RGL1: variants seen among roughly 807,000 people sequenced by gnomAD.
RGL1 encodes the protein ral guanine nucleotide dissociation stimulator-like 1.
In RGL1, 24 loss-of-function variants were observed where a neutral mutation model predicts 95.2. The ratio of observed to expected loss-of-function variants is 0.25; its 90% CI spans 0.18 to 0.35. The LOEUF is 0.35. Among genes scored for constraint, RGL1 ranks in the 10% least tolerant of loss-of-function variants. The pLI, the probability that RGL1 is intolerant of heterozygous loss-of-function variation, is 1.00. For missense variants in RGL1, 715 were observed against 936.3 expected, an observed-to-expected ratio of 0.76 and a Z score of 3.08; for synonymous variants, 329 against 344.9, an observed-to-expected ratio of 0.95 and a Z score of 0.51.
intron 1 of RGL1, among the ~76,000 whole-genome samples, chr1:183,666,475 GTTTAATTTCCAAGTATTTTGGAATT>G (rs1652046542): frequency 6.6e-6 from 1 of 152,044 alleles, no homozygotes; most frequent in Non-Finnish European, 1.5e-5. Flanking sequence ...GAACTTCGTT[GTTTAATTTCCAAGTATTTTGGAATT>G]TTCCAGCTAT....
chr1:183,915,997 A>G (rs1668940263), intron 15 of RGL1, among the ~76,000 whole-genome samples: 1 of 152,174 alleles, frequency 6.6e-6, no homozygotes, highest in Admixed American at 6.5e-5. Flanking sequence ...AATCTGGGGT[A>G]CTTCTCTTAG....
At chr1:183,638,976 A>G (rs1649730171) in intron 1 of RGL1, among the ~76,000 whole-genome samples, 1 of 152,224 alleles carries the variant, frequency 6.6e-6, no homozygotes, top group East Asian at 1.9e-4. Context: ...TAAATACTTA[A>G]ACAACAAAGA....
Position 183,904,972 on chromosome 1 carries a change from G to T in RGL1, c.1472+1G>T. On this transcript the variant is annotated splice_donor_variant, in intron 13 of 17. Transcript: ENST00000360851. LOFTEE classifies it high-confidence loss of function. ...AGCAGCTCCTGACAGAGGAGGAGAG[G>T]TGGGATCACCTGTCGTTCATCGGGG... is the stretch of plus-strand genomic sequence containing the variant. 1 of 1,610,828 alleles carries T rather than the reference G, an allele frequency of 6.2e-7. No individual in the cohort carries two copies.
intron 8 of RGL1, among the ~76,000 whole-genome samples, chr1:183,889,720 G>T (rs905605566): frequency 6.6e-6 from 1 of 151,972 alleles, no homozygotes; most frequent in African/African-American, 2.4e-5. Context: ...TCTTTGATGG[G>T]TAAAAAGAAA....
Position 183,886,376 on chromosome 1 carries a change from GT to G in RGL1, c.951+1445del, listed in dbSNP as rs1572554217. On this transcript the variant is annotated intron_variant, in intron 7 of 17. Coordinates refer to ENST00000360851, the MANE Select transcript of RGL1 (RefSeq NM_001297671.3). ...GTGAGATATAGTGTAGAAGTTCTCT[GT>G]TTTTTTAGAATGATAAGGAATTATT... is the stretch of plus-strand genomic sequence containing the variant. Among the ~76,000 whole-genome samples, 7 of 152,060 alleles carry G rather than the reference GT, an allele frequency of 4.6e-5. No individual in the cohort carries two copies. In the South Asian group the frequency reaches 1.5e-3, roughly 32 times the overall value.
intron 2 of RGL1, among the ~76,000 whole-genome samples, chr1:183,846,946 C>G (rs956129512): frequency 1.3e-5 from 2 of 152,056 alleles, no homozygotes; most frequent in Non-Finnish European, 2.9e-5. Context: ...TAAACCTGAT[C>G]CTGGTATCAT....
intron 14 of RGL1, among the ~76,000 whole-genome samples, chr1:183,908,912 T>C (rs1558288205): frequency 1.3e-5 from 2 of 152,192 alleles, no homozygotes; most frequent in African/African-American, 4.8e-5. Flanking sequence ...AAGCCCGGGA[T>C]CTATATGTTT....
upstream of RGL1, among the ~76,000 whole-genome samples, chr1:183,803,807 A>G (rs1034359031): frequency 6.6e-6 from 1 of 152,210 alleles, no homozygotes; most frequent in Non-Finnish European, 1.5e-5. Flanking sequence ...CTTAACAAGC[A>G]GGGAGGTAGG....
intron 2 of RGL1, among the ~76,000 whole-genome samples, chr1:183,746,653 T>TA (rs1025265431): frequency 2.8e-5 from 4 of 142,858 alleles, no homozygotes; most frequent in South Asian, 4.2e-4. Flanking sequence ...TTCTTATATA[T>TA]TTTTTTAATA....
At chr1:183,855,407 A>G (rs1255177633) in intron 3 of RGL1, among the ~76,000 whole-genome samples, 1 of 152,174 alleles carries the variant, frequency 6.6e-6, no homozygotes. Flanking sequence ...AATATGTTCC[A>G]ATTTGCTTTT....
chr1:183,685,319 A>G (rs1653509248), intron 1 of RGL1, among the ~76,000 whole-genome samples: 1 of 152,222 alleles, frequency 6.6e-6, no homozygotes, highest in African/African-American at 2.4e-5. Flanking sequence ...AATACCTTGA[A>G]TTACAATTAG....
chr1:183,905,060 C>T, intron 13 of RGL1, 89 bp downstream of exon 13: 1 of 1,481,470 alleles, frequency 6.8e-7, no homozygotes, highest in Non-Finnish European at 9.0e-7. Context: ...ATTTATTCAA[C>T]AACTATTTAG....
rs539104418 is a variant in RGL1 at position 183,858,220 on chromosome 1, A to AT, written c.348-7773dup. Reference sequence around the variant, plus strand: ...GACAGTCAGACATTCAGCTTTGATCATTTAAAGCAGTGGTTTTGACCATTT... The same window carrying AT: ...GACAGTCAGACATTCAGCTTTGATCATTTTAAAGCAGTGGTTTTGACCATTT... On this transcript the variant is annotated intron_variant, in intron 3 of 17. Coordinates refer to ENST00000360851, the MANE Select transcript of RGL1 (RefSeq NM_001297671.3). 2.6e-5 allele frequency among the ~76,000 whole-genome samples: 4 copies of AT among 152,304 alleles called. No individual in the cohort carries two copies. In the South Asian group the frequency reaches 8.3e-4, roughly 32 times the overall value.
In RGL1 at chr1:183,884,888, A is replaced by C; in HGVS notation, c.901A>C (p.Lys301Gln). Residue 301 changes from lysine (K) to glutamine (Q), a missense_variant, in exon 7 of 18, where the codon AAA (lysine) becomes CAA (glutamine). Physicochemically the swap from Lys to Gln is moderately conservative, Grantham distance 53. Coordinates refer to ENST00000360851, the MANE Select transcript of RGL1 (RefSeq NM_001297671.3). Reference protein sequence around the residue: ...VSTILGGKELKTQQRAKIIEK... With the variant: ...VSTILGGKELQTQQRAKIIEK... ...CACCATCCTGGGGGGCAAAGAACTC[A>C]AAACTCAGCAGAGAGCCAAAATCAT... 1 of 1,614,140 alleles carries C rather than the reference A, an allele frequency of 6.2e-7. No individual in the cohort carries two copies. The highest frequency in any genetic ancestry group is 2.2e-5 in the East Asian group (1 of 44,868).
At chr1:183,799,058 A>G (rs1191982860) in intron 2 of RGL1, among the ~76,000 whole-genome samples, 1 of 151,616 alleles carries the variant, frequency 6.6e-6, no homozygotes, top group Non-Finnish European at 1.5e-5. Flanking sequence ...GCCCGCCACC[A>G]TGCCTGGCTA....
Position 183,922,277 on chromosome 1 carries a change from A to C in RGL1, c.2060A>C (p.Asn687Thr). The change falls in exon 17 of 18, where the codon AAT becomes ACT. Residue 687 changes from asparagine (N) to threonine (T), a missense_variant. Coordinates refer to ENST00000360851, the MANE Select transcript of RGL1 (RefSeq NM_001297671.3). ...ATCCAGAGAGCCATGCTGAAGCACA[A>C]TCTGGACTCAGACCCCGCCGAGGAG... ...AVIQRAMLKH[N>T]LDSDPAEEYE... 1 of 1,614,138 alleles carries C rather than the reference A, an allele frequency of 6.2e-7. No individual in the cohort carries two copies. The highest frequency in any genetic ancestry group is 1.1e-5 in the South Asian group (1 of 91,066).
chr1:183,699,686 C>CCCCT (rs1314047812), intron 1 of RGL1, among the ~76,000 whole-genome samples: 1 of 152,022 alleles, frequency 6.6e-6, no homozygotes, highest in Non-Finnish European at 1.5e-5. Flanking sequence ...TGCTGGCCTG[C>CCCCT]CCCTGCCTTT....
intron 4 of RGL1, among the ~76,000 whole-genome samples, chr1:183,873,318 T>C (rs1666296821): frequency 6.6e-6 from 1 of 152,238 alleles, no homozygotes; most frequent in African/African-American, 2.4e-5. Context: ...GCCACCACCA[T>C]TGGCTACAAT....
At chr1:183,841,866 C>A (rs1434441570) in intron 2 of RGL1, among the ~76,000 whole-genome samples, 1 of 152,114 alleles carries the variant, frequency 6.6e-6, no homozygotes, top group Non-Finnish European at 1.5e-5. Context: ...CAAAGTGCTC[C>A]AACATCCATG....
Sources: gnomAD v4.1 joint callset for allele counts (sites outside exome capture counted in the v4.1 genomes callset) on GRCh38, gnomAD v4.1.1 for gene constraint, MANE v1.5 for transcripts, NCBI Gene and HGNC (gene_info 2026-07-23, HGNC 2026-07-21) for gene names.